The following POP1 variants were observed in gnomAD, a reference collection of about 807,000 sequenced individuals.
The protein encoded by POP1 is POP1 ribonuclease P/MRP subunit, also known as ribonucleases P/MRP protein subunit POP1.
In POP1, 75 loss-of-function variants were observed where a neutral mutation model predicts 102.2. That is an observed-to-expected ratio of 0.73 (90% CI 0.61 to 0.89). The LOEUF (loss-of-function observed/expected upper bound fraction) is 0.89. Ranked by LOEUF, POP1 falls within the 40% of genes least tolerant of loss-of-function variation. The pLI is 0.00. For synonymous variants in POP1, 436 were observed against 464.1 expected (o/e 0.94, Z 0.78); for missense variants, 1,116 against 1,267.4 (o/e 0.88, Z 1.81).
chr8:98,150,638 A>T lies in POP1; in HGVS notation c.2056A>T (p.Arg686Ter). ...TAAGAATCTTCTTGAAAAGTACAAA[A>T]GGTAAGAAACTGGCTTCTCTAATTT... ...QAKNLLEKYK[R>*]RPPAKRPNYV... The change falls in exon 14 of 16, where the codon AGA becomes TGA. Residue 686 changes from arginine (R) to a stop codon, truncating the protein, a stop_gained and splice_region_variant. Coordinates refer to ENST00000401707, the MANE Select transcript of POP1 (RefSeq NM_001145860.2). LOFTEE classifies it high-confidence loss of function. 6.2e-7 allele frequency: 1 copy of T among 1,614,094 alleles called. No homozygotes were observed.
chr8:98,157,059 G>A (rs1236764557), intron 15 of POP1, among the ~76,000 whole-genome samples: 1 of 151,420 alleles, frequency 6.6e-6, no homozygotes. Context: ...ATGCCACCAC[G>A]CCTGGCTAAT....
chr8:98,150,536 C>A lies in POP1; in HGVS notation c.1954C>A (p.Gln652Lys). The change falls in exon 14 of 16, where the codon CAG (glutamine) becomes AAG (lysine). Residue 652 changes from glutamine (Q) to lysine (K), a missense_variant. Coordinates refer to ENST00000401707, the MANE Select transcript of POP1 (RefSeq NM_001145860.2). ...GTTGAAAGAGTCTGCAGTGCATTCT[C>A]AGTATAAGAGGTCGCCTAATGTCCC... Reference protein sequence around the residue: ...GGLKESAVHSQYKRSPNVPGD... With the variant: ...GGLKESAVHSKYKRSPNVPGD... 6.2e-7 allele frequency: 1 copy of A among 1,614,058 alleles called. No homozygotes were observed. Among genetic ancestry groups the A allele is most frequent in the South Asian group, 1.1e-5 (1 of 91,072 alleles).
intron 7 of POP1, among the ~76,000 whole-genome samples, chr8:98,135,827 G>A (rs1816520867): frequency 1.3e-5 from 2 of 151,820 alleles, no homozygotes; most frequent in African/African-American, 2.4e-5. Flanking sequence ...GCCTCCCCGA[G>A]TAGCTTAGAC....
At chr8:98,146,159 G>A (rs72680612) in intron 11 of POP1, among the ~76,000 whole-genome samples, 19,304 of 152,018 alleles carry the variant, frequency 0.13, 1,325 homozygotes, top group Middle Eastern at 0.26. Context: ...TTAAACTCCT[G>A]GGCTTAAGTC....
rs778149457 is a variant in POP1 at position 98,130,195 on chromosome 8, A to G, written c.704A>G (p.Tyr235Cys). ...ACAGTCAAGAGCCACAGAGCCTGCT[A>G]TCGAGCCATGACGAACCGGTGCCTC... The part of the protein sequence containing the change: ...RPTVKSHRAC[Y>C]RAMTNRCLLQ... The change falls in exon 5 of 16, where the codon TAT becomes TGT. Residue 235 changes from tyrosine (Y) to cysteine (C), a missense_variant. By Grantham distance (194) the Tyr-to-Cys change is radical (BLOSUM62 -2). Transcript: ENST00000401707. The G allele has an allele frequency of 5.6e-6, 9 of 1,614,082 alleles. No homozygotes were observed. Among genetic ancestry groups the G allele is most frequent in the African/African-American group, 1.3e-5 (1 of 74,928 alleles).
At chr8:98,119,953 C>T (rs1335284159) in intron 1 of POP1, among the ~76,000 whole-genome samples, 1 of 152,210 alleles carries the variant, frequency 6.6e-6, no homozygotes, top group Non-Finnish European at 1.5e-5. Flanking sequence ...TAGAGGACCA[C>T]TGCCAGTTTG....
intron 7 of POP1, among the ~76,000 whole-genome samples, chr8:98,136,135 C>T (rs930663190): frequency 4.6e-5 from 7 of 151,486 alleles, no homozygotes; most frequent in Admixed American, 2.6e-4. Flanking sequence ...GGCTGGAGTG[C>T]GATGGCACGA....
At chr8:98,134,788 T>C in intron 7 of POP1, 129 bp downstream of exon 7, 1 of 989,688 alleles carries the variant, frequency 1.0e-6, no homozygotes, top group South Asian at 1.4e-5. Flanking sequence ...TATGGGGGGC[T>C]CTATGATTAT....
At chr8:98,157,259 T>A (rs1437534786) in intron 15 of POP1, among the ~76,000 whole-genome samples, 1 of 152,192 alleles carries the variant, frequency 6.6e-6, no homozygotes, top group Non-Finnish European at 1.5e-5. Flanking sequence ...TTCCTATCAT[T>A]CTTTCTTACT....
chr8:98,125,344 C>T (rs1009642828), intron 2 of POP1, among the ~76,000 whole-genome samples: 2 of 151,620 alleles, frequency 1.3e-5, no homozygotes, highest in Admixed American at 6.6e-5. Flanking sequence ...TGCTGCCACT[C>T]TTGGCTAATT....
chr8:98,124,363 A>C (rs1038601339), intron 2 of POP1, among the ~76,000 whole-genome samples: 4 of 152,136 alleles, frequency 2.6e-5, no homozygotes, highest in Non-Finnish European at 5.9e-5. Context: ...GGAGTTCGAG[A>C]CCAGAGTGGC....
rs536335375 is a variant in POP1 at position 98,142,018 on chromosome 8, A to G, written c.1594+1130A>G. Reference sequence around the variant, plus strand: ...ATTATGAAGCCTAAGACTTTACTCAATGAGTCATTGCCTCTTTCTTTTCTT... The same window carrying G: ...ATTATGAAGCCTAAGACTTTACTCAGTGAGTCATTGCCTCTTTCTTTTCTT... On this transcript the variant is annotated intron_variant, in intron 11 of 15. Transcript: ENST00000401707. 3.9e-5 allele frequency among the ~76,000 whole-genome samples: 6 copies of G among 152,278 alleles called. No homozygotes were observed. In the South Asian group the frequency reaches 1.0e-3, roughly 26 times the overall value.
intron 14 of POP1, among the ~76,000 whole-genome samples, chr8:98,155,368 C>T (rs1052046223): frequency 1.3e-5 from 2 of 152,206 alleles, no homozygotes; most frequent in African/African-American, 4.8e-5. Flanking sequence ...GCAACCTCTG[C>T]CTCCTGGGTT....
Position 98,120,693 on chromosome 8 carries a change from C to T in POP1, c.-2-2643C>T, listed in dbSNP as rs562121215. On this transcript the variant is annotated intron_variant, in intron 1 of 15. Coordinates refer to ENST00000401707, the MANE Select transcript of POP1 (RefSeq NM_001145860.2). ...ACGGAGTCTTGCTCCGTCGCCCAGG[C>T]TGGAGTGCAGTGGCGCGATCTCGGC... Among the ~76,000 whole-genome samples the T allele has an allele frequency of 5.3e-5, 8 of 150,864 alleles. No homozygotes were observed. The East Asian group carries it at 1.2e-3, about 22-fold the overall frequency.
intron 7 of POP1, among the ~76,000 whole-genome samples, chr8:98,135,095 C>T (rs111356455): frequency 0.012 from 1,885 of 152,090 alleles, 36 homozygotes; most frequent in African/African-American, 0.043. Context: ...CTGGGCAACA[C>T]GGTGAAACCC....
chr8:98,123,488 C>A lies in POP1; in HGVS notation c.142+9C>A. ...CCAAGCTCAAAAACAAGGTAAAATACACATAAGAGACCAGGCATGGTGGCT... is the reference window on the plus strand; with the variant it reads ...CCAAGCTCAAAAACAAGGTAAAATAAACATAAGAGACCAGGCATGGTGGCT... On this transcript the variant is annotated intron_variant, in intron 2 of 15. Transcript: ENST00000401707. 1 of 1,612,472 alleles carries A rather than the reference C, an allele frequency of 6.2e-7. No individual in the cohort carries two copies. Among genetic ancestry groups the A allele is most frequent in the Non-Finnish European group, 8.5e-7 (1 of 1,178,972 alleles).
rs747984872 is a variant in POP1, at chr8:98,153,533, CTTT to C, written c.2058-2496_2058-2494del. On this transcript the variant is annotated intron_variant, in intron 14 of 15. Coordinates refer to ENST00000401707, the MANE Select transcript of POP1 (RefSeq NM_001145860.2). ...ACTAGATTTACAAACAGTTCTGACT[CTTT>C]TTTTTTTTTTTTTTTTTTTTGAGAC... Among the ~76,000 whole-genome samples the C allele has an allele frequency of 5.7e-4, 49 of 85,502 alleles. 1 individual carries two copies. The highest frequency in any genetic ancestry group is 2.1e-3 in the African/African-American group (44 of 20,928). 56.1% of individuals were successfully genotyped at this position (85,502 alleles called of 152,430 possible). A position where few individuals can be genotyped will look rare whatever the true frequency, so the allele number is the denominator to read the frequency against.
chr8:98,123,501 A>G, intron 2 of POP1, 22 bp downstream of exon 2: 4 of 1,610,216 alleles, frequency 2.5e-6, no homozygotes, highest in Non-Finnish European at 3.4e-6. Context: ...ATAAGAGACC[A>G]GGCATGGTGG....
At chr8:98,136,814 T>C in intron 8 of POP1, 47 bp from the exon 9 acceptor site, 1 of 1,606,786 alleles carries the variant, frequency 6.2e-7, no homozygotes. Context: ...GTGGCACAGA[T>C]GTTGTGTGAT....
Sources: allele counts gnomAD v4.1 joint callset (sites outside exome capture counted in the v4.1 genomes callset), GRCh38; gene constraint gnomAD v4.1.1; transcripts MANE v1.5; gene names NCBI Gene and HGNC (gene_info 2026-07-23, HGNC 2026-07-21).